The following BARD1 variants were observed in gnomAD, a reference collection of about 807,000 sequenced individuals.
The protein encoded by BARD1 is BRCA1-associated RING domain protein 1.
A neutral mutation model predicts 77.0 loss-of-function variants in BARD1; 73 were observed. That is an observed-to-expected ratio of 0.95 (90% CI 0.79 to 1.15). The LOEUF is 1.15. Ranked by LOEUF, BARD1 falls within the 50% of genes most tolerant of loss-of-function variation. The probability of loss-of-function intolerance (pLI) is 0.00; values close to 1 mark genes in which losing one functional copy is unlikely to be tolerated. For synonymous variants in BARD1, 384 were observed against 338.0 expected (o/e 1.14, Z -1.49); for missense variants, 993 against 938.8 (o/e 1.06, Z -0.75).
intron 1 of BARD1, among the ~76,000 whole-genome samples, chr2:214,801,290 T>C (rs879927259): frequency 6.6e-6 from 1 of 152,204 alleles, no homozygotes; most frequent in Non-Finnish European, 1.5e-5. Flanking sequence ...AACAACTACA[T>C]GGTGTTTAGT....
intron 6 of BARD1, among the ~76,000 whole-genome samples, chr2:214,762,390 A>G (rs1480200301): frequency 6.6e-6 from 1 of 152,148 alleles, no homozygotes; most frequent in Admixed American, 6.5e-5. Flanking sequence ...TATAACTAGA[A>G]TAACCTCAAT....
intron 6 of BARD1, 72 bp downstream of exon 6, chr2:214,767,410 C>A: frequency 3.4e-6 from 5 of 1,468,104 alleles, no homozygotes; most frequent in Non-Finnish European, 4.7e-6. Context: ...ATTTTAAAGT[C>A]TGCTTTATCA....
intron 7 of BARD1, among the ~76,000 whole-genome samples, chr2:214,751,087 G>C (rs1297135007): frequency 3.9e-4 from 2 of 5,076 alleles, no homozygotes; most frequent in African/African-American, 5.0e-4. Flanking sequence ...TTCTGTGTGT[G>C]TGTGTGTGTG....
At chr2:214,739,246 A>G (rs1692704223) in intron 9 of BARD1, among the ~76,000 whole-genome samples, 1 of 152,110 alleles carries the variant, frequency 6.6e-6, no homozygotes, top group African/African-American at 2.4e-5. Flanking sequence ...AATATCCTAA[A>G]AAAAAAAAAT....
chr2:214,797,057 T>G lies in BARD1; in HGVS notation c.215+4A>C. On this transcript the variant is annotated splice_donor_region_variant and intron_variant, in intron 2 of 10. Transcript: ENST00000260947. ...ACTATATACATCAAACCGTAATTAC[T>G]TACCTACAGAAGATGTGCTCACATC... 6.2e-7 allele frequency: 1 copy of G among 1,606,916 alleles called. No homozygotes were observed.
chr2:214,779,382 A>T (rs549713285), intron 4 of BARD1, among the ~76,000 whole-genome samples: 55 of 151,976 alleles, frequency 3.6e-4, no homozygotes, highest in African/African-American at 1.3e-3. Flanking sequence ...TTGTTATACG[A>T]TATTTTTTAA....
chr2:214,768,693 T>C (rs1240006228), intron 5 of BARD1, among the ~76,000 whole-genome samples: 1 of 152,232 alleles, frequency 6.6e-6, no homozygotes, highest in Non-Finnish European at 1.5e-5. Context: ...CAAGTATTTG[T>C]GTCATTCTGT....
At chr2:214,761,723 T>C (rs1408409819) in intron 6 of BARD1, among the ~76,000 whole-genome samples, 1 of 152,040 alleles carries the variant, frequency 6.6e-6, no homozygotes, top group Non-Finnish European at 1.5e-5. Flanking sequence ...TAGAAAATAA[T>C]AAAGGGAAGA....
At chr2:214,772,704 TCTG>T in intron 4 of BARD1, among the ~76,000 whole-genome samples, 1 of 152,318 alleles carries the variant, frequency 6.6e-6, no homozygotes, top group African/African-American at 2.4e-5. Flanking sequence ...TTATAACCAA[TCTG>T]CTTTCTCCTC....
Position 214,769,314 on chromosome 2 carries a change from T to G in BARD1, c.1315-2A>C, listed in dbSNP as rs1316885634. ...GTATTCAACAGAAGGTATGTCGCCC[T>G]AGAAAAATGAACAAAACGGAAATTA... On this transcript the variant is annotated splice_acceptor_variant, in intron 4 of 10. Transcript: ENST00000260947. LOFTEE classifies it high-confidence loss of function. 6.2e-7 allele frequency: 1 copy of G among 1,611,144 alleles called. No homozygotes were observed. Among genetic ancestry groups the G allele is most frequent in the Non-Finnish European group, 8.5e-7 (1 of 1,177,388 alleles).
In BARD1 at chr2:214,728,537, CT is replaced by C. The variant is rs113789798; in HGVS notation, c.*138del. 42,849 of 575,698 alleles carry C rather than the reference CT, an allele frequency of 0.074. 501 individuals carry two copies. The highest frequency in any genetic ancestry group is 0.14 in the African/African-American group (6,965 of 51,092). 35.7% of individuals were successfully genotyped at this position (575,698 alleles called of 1,614,324 possible). ...CATGAATTCCTAATCTGGCATTAGA[CT>C]TTTTTTTTTTTTTTGATTCAAAGAC... On this transcript the variant is annotated 3_prime_UTR_variant, in exon 11 of 11. Transcript: ENST00000260947.
At chr2:214,780,448 T>C in intron 4 of BARD1, 112 bp downstream of exon 4, 1 of 914,450 alleles carries the variant, frequency 1.1e-6, no homozygotes, top group Non-Finnish European at 1.7e-6. Flanking sequence ...AAGTATCATG[T>C]CTGTGAAAGG....
intron 9 of BARD1, among the ~76,000 whole-genome samples, chr2:214,734,268 G>A (rs1309369742): frequency 6.6e-6 from 1 of 152,060 alleles, no homozygotes; most frequent in Non-Finnish European, 1.5e-5. Context: ...TACACAGCCA[G>A]AGTTTTAGCC....
chr2:214,729,768 G>C (rs573981106), intron 10 of BARD1, among the ~76,000 whole-genome samples: 1 of 152,254 alleles, frequency 6.6e-6, no homozygotes, highest in South Asian at 2.1e-4. Context: ...AATTACAAGA[G>C]TAACATCTTT....
chr2:214,752,541 A>G lies in BARD1; in HGVS notation c.1583T>C (p.Leu528Pro), dbSNP rs1301755370. ...ASRNAVNIFG[L>P]RPVDYTDDES... ...ATCATCTGTATAATCGACAGGCCGC[A>G]GACCAAATATATTACTGGTAAAATA... Residue 528 changes from leucine (L) to proline (P), a missense_variant, in exon 7 of 11, where the codon CTG becomes CCG. Leu to Pro is a moderately conservative substitution (Grantham distance 98). Coordinates refer to ENST00000260947, the MANE Select transcript of BARD1 (RefSeq NM_000465.4). 2 of 1,613,154 alleles carry G rather than the reference A, an allele frequency of 1.2e-6. No homozygotes were observed. Among genetic ancestry groups the G allele is most frequent in the African/African-American group, 1.3e-5 (1 of 74,888 alleles).
At chr2:214,794,541 G>C (rs1695671043) in intron 2 of BARD1, among the ~76,000 whole-genome samples, 1 of 151,434 alleles carries the variant, frequency 6.6e-6, no homozygotes, top group Admixed American at 6.6e-5. Context: ...TCCTTACAAA[G>C]TGTTATTTGT....
At chr2:214,753,648 T>C (rs1002910763) in intron 6 of BARD1, among the ~76,000 whole-genome samples, 1 of 152,188 alleles carries the variant, frequency 6.6e-6, no homozygotes, top group African/African-American at 2.4e-5. Context: ...CGTTTGATGC[T>C]GCAGAGAGAG....
chr2:214,778,850 G>A (rs1402643455), intron 4 of BARD1, among the ~76,000 whole-genome samples: 2 of 152,094 alleles, frequency 1.3e-5, no homozygotes, highest in Non-Finnish European at 2.9e-5. Flanking sequence ...TATTCTTATG[G>A]TTAGAAGAAA....
rs1559423360 is a variant in BARD1 at position 214,780,603 on chromosome 2, C to T, written c.1271G>A (p.Arg424Lys). Residue 424 changes from arginine to lysine, a missense_variant, in exon 4 of 11, where the codon AGA (arginine) becomes AAA (lysine). Transcript: ENST00000260947. ...MKLLPNMAVK[R>K]NHRGETLLHI... is the part of the protein sequence containing the mutation. ...GAGCAAAGTCTCTCCTCTATGATTT[C>T]TTTTCACAGCCATATTGGGCAACAG... 1 of 1,614,030 alleles carries T rather than the reference C, an allele frequency of 6.2e-7. No individual in the cohort carries two copies. Among genetic ancestry groups the T allele is most frequent in the South Asian group, 1.1e-5 (1 of 91,080 alleles).
Sources: allele counts gnomAD v4.1 joint callset (sites outside exome capture counted in the v4.1 genomes callset), GRCh38; gene constraint gnomAD v4.1.1; transcripts MANE v1.5; gene names NCBI Gene and HGNC (gene_info 2026-07-23, HGNC 2026-07-21).